MALRD1: variants seen among roughly 807,000 people sequenced by gnomAD.
The protein encoded by MALRD1 is MAM and LDL-receptor class A domain-containing protein 1.
Under a neutral mutation model 242.1 loss-of-function variants are expected in MALRD1, and 247 were observed. The observed-to-expected ratio is 1.02, with a 90% CI of 0.92 to 1.13. The LOEUF is 1.13. Ranked by LOEUF, MALRD1 falls within the 50% of genes most tolerant of loss-of-function variation. The pLI, the probability that MALRD1 is intolerant of heterozygous loss-of-function variation, is 0.00. For missense variants in MALRD1, 2,989 were observed against 2,533.1 expected, an observed-to-expected ratio of 1.18 and a Z score of -3.86; for synonymous variants, 995 against 866.6, an observed-to-expected ratio of 1.15 and a Z score of -2.60.
chr10:19,214,253 C>T (rs778440476), intron 18 of MALRD1, among the ~76,000 whole-genome samples: 15 of 152,164 alleles, frequency 9.9e-5, no homozygotes, highest in Non-Finnish European at 1.5e-4. Flanking sequence ...TCCTCTTGGG[C>T]TCTTCTCCTG....
intron 28 of MALRD1, among the ~76,000 whole-genome samples, chr10:19,391,842 C>A (rs569401577): frequency 6.6e-6 from 1 of 152,172 alleles, no homozygotes; most frequent in Non-Finnish European, 1.5e-5. Flanking sequence ...CTTCAAGTGT[C>A]ACTCTCAGAT....
chr10:19,169,655 T>C (rs1185004179), intron 13 of MALRD1, among the ~76,000 whole-genome samples: 1 of 152,220 alleles, frequency 6.6e-6, no homozygotes, highest in African/African-American at 2.4e-5. Context: ...TTTTTAAAGA[T>C]ATGAAAATAT....
chr10:19,551,033 T>G (rs1298713723), intron 32 of MALRD1, among the ~76,000 whole-genome samples: 2 of 152,216 alleles, frequency 1.3e-5, no homozygotes, highest in African/African-American at 4.8e-5. Flanking sequence ...GATATCTCAT[T>G]GTGGTTTTGA....
At chr10:19,597,536 G>A (rs1838155630) in intron 34 of MALRD1, among the ~76,000 whole-genome samples, 1 of 152,172 alleles carries the variant, frequency 6.6e-6, no homozygotes. Flanking sequence ...GACTTTGAGG[G>A]CTTTCCTATT....
chr10:19,612,323 AC>A (rs1244439841), intron 35 of MALRD1, among the ~76,000 whole-genome samples: 1 of 151,728 alleles, frequency 6.6e-6, no homozygotes, highest in Non-Finnish European at 1.5e-5. Flanking sequence ...GGAGCTCCTT[AC>A]TCTCATCTTT....
intron 31 of MALRD1, among the ~76,000 whole-genome samples, chr10:19,503,526 T>C (rs937475656): frequency 1.3e-5 from 2 of 152,216 alleles, no homozygotes; most frequent in Non-Finnish European, 2.9e-5. Flanking sequence ...ACATGAATAC[T>C]GTTTAGACTT....
chr10:19,361,964 C>T (rs1206531467), intron 26 of MALRD1, among the ~76,000 whole-genome samples: 1 of 151,948 alleles, frequency 6.6e-6, no homozygotes, highest in Non-Finnish European at 1.5e-5. Flanking sequence ...AAGAAAGTGC[C>T]CCAAATTTTA....
At chr10:19,665,563 A>C (rs1389213508) in intron 36 of MALRD1, among the ~76,000 whole-genome samples, 2 of 152,090 alleles carry the variant, frequency 1.3e-5, no homozygotes, top group Non-Finnish European at 2.9e-5. Context: ...GGCACATTTT[A>C]GGGTGACATA....
intron 32 of MALRD1, among the ~76,000 whole-genome samples, chr10:19,549,845 G>A (rs1004322949): frequency 1.1e-4 from 17 of 152,290 alleles, no homozygotes; most frequent in African/African-American, 3.6e-4. Context: ...TCTGGGCAGA[G>A]ACAGGATTGG....
At chr10:19,415,848 T>G (rs1323726348) in intron 28 of MALRD1, among the ~76,000 whole-genome samples, 1 of 152,222 alleles carries the variant, frequency 6.6e-6, no homozygotes, top group Non-Finnish European at 1.5e-5. Context: ...AGTAAATCTT[T>G]GTAAACAGCA....
chr10:19,684,905 G>C (rs183432924), intron 36 of MALRD1, among the ~76,000 whole-genome samples: 2 of 152,256 alleles, frequency 1.3e-5, no homozygotes, highest in Admixed American at 1.3e-4. Context: ...CAAAATTAGA[G>C]ACTGAGCATG....
intron 26 of MALRD1, among the ~76,000 whole-genome samples, chr10:19,372,592 C>T (rs943021175): frequency 1.3e-5 from 2 of 151,858 alleles, no homozygotes; most frequent in Non-Finnish European, 2.9e-5. Context: ...CTTAGCCTCC[C>T]GAGTAGCTGG....
chr10:19,161,550 C>CAAAAAAAAAAAAAAAAAAAAA, intron 12 of MALRD1, among the ~76,000 whole-genome samples: 4 of 60,838 alleles, frequency 6.6e-5, no homozygotes, highest in African/African-American at 2.0e-4. Context: ...AAAAAAAAAG[C>CAAAAAAAAAAAAAAAAAAAAA]AAAAAAAAAA....
intron 33 of MALRD1, among the ~76,000 whole-genome samples, chr10:19,584,533 T>C (rs1252779372): frequency 9.9e-5 from 15 of 152,126 alleles, no homozygotes; most frequent in African/African-American, 2.9e-4. Context: ...AGTTGAGCGG[T>C]TTTGAGTGAG....
chr10:19,074,557 G>A lies in MALRD1; in HGVS notation c.340+7698G>A, dbSNP rs192583506. 1.8e-3 allele frequency among the ~76,000 whole-genome samples: 274 copies of A among 152,090 alleles called. 1 individual carries two copies. The highest frequency in any genetic ancestry group is 5.7e-3 in the African/African-American group (235 of 41,506). ...TATTTTTCCATTTATTTCAAATTCAGAGTTATATGTCAGTGATGGAATCAT... is the reference window on the plus strand; with the variant it reads ...TATTTTTCCATTTATTTCAAATTCAAAGTTATATGTCAGTGATGGAATCAT... On this transcript the variant is annotated intron_variant, in intron 2 of 39. Transcript: ENST00000454679.
At chr10:19,634,290 G>T (rs563519198) in intron 36 of MALRD1, among the ~76,000 whole-genome samples, 1 of 152,158 alleles carries the variant, frequency 6.6e-6, no homozygotes, top group Non-Finnish European at 1.5e-5. Flanking sequence ...GAAGAAGAAC[G>T]AAAATGTCAG....
At chr10:19,108,867 G>A (rs959936744) in intron 5 of MALRD1, among the ~76,000 whole-genome samples, 8 of 152,120 alleles carry the variant, frequency 5.3e-5, no homozygotes, top group South Asian at 2.1e-4. Flanking sequence ...TTCTTTGGTC[G>A]TATCATGTTT....
chr10:19,402,301 C>T (rs1846893312), intron 28 of MALRD1, among the ~76,000 whole-genome samples: 3 of 152,146 alleles, frequency 2.0e-5, no homozygotes, highest in Non-Finnish European at 1.5e-5. Context: ...GGCTGTTTCC[C>T]CACCCAAATC....
intron 38 of MALRD1, among the ~76,000 whole-genome samples, chr10:19,703,171 C>T (rs1179498313): frequency 6.6e-6 from 1 of 152,114 alleles, no homozygotes; most frequent in African/African-American, 2.4e-5. Context: ...TCACAGAGCT[C>T]AAGGGTGGGA....
Sources: allele counts gnomAD v4.1 joint callset (sites outside exome capture counted in the v4.1 genomes callset), GRCh38; gene constraint gnomAD v4.1.1; transcripts MANE v1.5; gene names NCBI Gene and HGNC (gene_info 2026-07-23, HGNC 2026-07-21).